FAM184B: variants seen among roughly 807,000 people sequenced by gnomAD.
The protein encoded by FAM184B is protein FAM184B.
In FAM184B, 111 loss-of-function variants were observed where a neutral mutation model predicts 135.9. The ratio of observed to expected loss-of-function variants is 0.82; its 90% CI spans 0.70 to 0.96. The LOEUF (loss-of-function observed/expected upper bound fraction) is 0.96, where lower values mean the gene tolerates loss of function less well. FAM184B is among the 40% of genes least tolerant of loss of function. The pLI is 0.00. For synonymous variants in FAM184B, 552 were observed against 524.8 expected, an observed-to-expected ratio of 1.05 and a Z score of -0.71; for missense variants, 1,375 against 1,323.9, an observed-to-expected ratio of 1.04 and a Z score of -0.60.
intron 7 of FAM184B, among the ~76,000 whole-genome samples, chr4:17,684,107 G>T (rs1356097800): frequency 3.6e-4 from 14 of 39,152 alleles, no homozygotes; most frequent in Admixed American, 8.5e-4. Flanking sequence ...TTATATTATA[G>T]TATAAAATAA....
Position 17,684,544 on chromosome 4 carries a change from C to T in FAM184B, c.1596+3880G>A, listed in dbSNP as rs559351721. The stretch of plus-strand genomic sequence containing the variant: ...AGATATTTAAGCTGTTACTAAATGT[C>T]CACATTGTTTTCCAGCTATTTGTTT... On this transcript the variant is annotated intron_variant, in intron 7 of 17. Transcript: ENST00000265018. 1.1e-3 allele frequency among the ~76,000 whole-genome samples: 164 copies of T among 152,290 alleles called. 1 individual carries two copies. Among genetic ancestry groups the T allele is most frequent in the Middle Eastern group, 0.01 (3 of 294 alleles).
At chr4:17,634,926 C>T in intron 16 of FAM184B, 83 bp downstream of exon 16, 1 of 882,600 alleles carries the variant, frequency 1.1e-6, no homozygotes, top group Non-Finnish European at 1.7e-6. Context: ...GTACACCAGC[C>T]CTTAAATAAC....
intron 5 of FAM184B, among the ~76,000 whole-genome samples, chr4:17,693,921 G>A (rs917040518): frequency 8.6e-5 from 13 of 151,844 alleles, no homozygotes; most frequent in Non-Finnish European, 1.5e-4. Context: ...AGACCAGCCC[G>A]AGCAACATAG....
At chr4:17,641,122 C>T (rs1249669437) in intron 13 of FAM184B, among the ~76,000 whole-genome samples, 2 of 151,996 alleles carry the variant, frequency 1.3e-5, no homozygotes, top group Non-Finnish European at 2.9e-5. Flanking sequence ...TTAGTAGAGA[C>T]GGGGTTTCAC....
intron 12 of FAM184B, among the ~76,000 whole-genome samples, chr4:17,644,475 C>T (rs139033854): frequency 0.077 from 11,738 of 152,088 alleles, 1,169 homozygotes; most frequent in African/African-American, 0.23. Flanking sequence ...ACAGAACCAA[C>T]GACAAAAACC....
In FAM184B at chr4:17,661,719, G is replaced by A. The variant is rs149857297; in HGVS notation, c.1695-1632C>T. ...ATACCTGGGTCTGAACTCTGGGTAT[G>A]AAACCAGCCCAAGGGTTAGGAGGCC... On this transcript the variant is annotated intron_variant, in intron 8 of 17. Coordinates refer to ENST00000265018, the MANE Select transcript of FAM184B (RefSeq NM_015688.2). 1.2e-3 allele frequency among the ~76,000 whole-genome samples: 190 copies of A among 152,352 alleles called. 2 individuals are homozygous for A. Among genetic ancestry groups the A allele is most frequent in the African/African-American group, 4.2e-3 (175 of 41,584 alleles).
At position 17,688,433 on chromosome 4, in the gene FAM184B, C is replaced by T; in HGVS notation, c.1587G>A (p.Leu529=). 1.9e-6 allele frequency: 3 copies of T among 1,548,286 alleles called. No homozygotes were observed. Among genetic ancestry groups the T allele is most frequent in the Non-Finnish European group, 2.6e-6 (3 of 1,146,016 alleles). Residue 529 remains leucine, a synonymous_variant, in exon 7 of 18, where the codon CTG becomes CTA. Transcript: ENST00000265018. The part of the protein sequence containing the change: ...QELGRQHCSI[L]ETQDPCLKLD... ...CAAAGCTGGAGGTTACCTGGGTCTCCAGAATGCTGCAGTGCTGGCGGCCTA... is the reference window on the plus strand; with the variant it reads ...CAAAGCTGGAGGTTACCTGGGTCTCTAGAATGCTGCAGTGCTGGCGGCCTA...
intron 1 of FAM184B, among the ~76,000 whole-genome samples, chr4:17,750,891 G>T (rs1439041077): frequency 6.6e-6 from 1 of 152,070 alleles, no homozygotes; most frequent in African/African-American, 2.4e-5. Context: ...AAGCTGGCTT[G>T]GTAGCCTTAT....
intron 12 of FAM184B, among the ~76,000 whole-genome samples, chr4:17,645,544 A>C (rs1469384520): frequency 6.6e-6 from 1 of 152,068 alleles, no homozygotes; most frequent in Non-Finnish European, 1.5e-5. Flanking sequence ...CTGAAACTGG[A>C]TCCCTTCCTT....
chr4:17,699,033 C>T (rs1281185590), intron 5 of FAM184B, among the ~76,000 whole-genome samples: 1 of 151,794 alleles, frequency 6.6e-6, no homozygotes, highest in Non-Finnish European at 1.5e-5. Context: ...TAAAGGAAAA[C>T]ATGAAAATAA....
At chr4:17,721,020 C>A (rs1437303578) in intron 1 of FAM184B, among the ~76,000 whole-genome samples, 1 of 151,964 alleles carries the variant, frequency 6.6e-6, no homozygotes, top group Non-Finnish European at 1.5e-5. Context: ...AAAAGTTCGT[C>A]TGCAGAGTTC....
chr4:17,724,059 C>A (rs907227531), intron 1 of FAM184B, among the ~76,000 whole-genome samples: 2 of 151,904 alleles, frequency 1.3e-5, no homozygotes, highest in South Asian at 4.1e-4. Context: ...ACCACTTGTA[C>A]CCCTGAAGCT....
At chr4:17,642,280 G>A in intron 12 of FAM184B, 52 bp from the exon 13 acceptor site, 1 of 1,422,246 alleles carries the variant, frequency 7.0e-7, no homozygotes, top group Non-Finnish European at 9.1e-7. Context: ...GGGCAGACAA[G>A]GCAGAAAGGG....
intron 1 of FAM184B, among the ~76,000 whole-genome samples, chr4:17,759,218 G>A (rs1313367375): frequency 1.3e-5 from 2 of 152,120 alleles, no homozygotes; most frequent in Non-Finnish European, 2.9e-5. Flanking sequence ...ATTGCATGTC[G>A]AATTGTAATC....
chr4:17,775,354 T>G (rs1310559994), intron 1 of FAM184B, among the ~76,000 whole-genome samples: 2 of 151,912 alleles, frequency 1.3e-5, no homozygotes, highest in African/African-American at 4.8e-5. Context: ...CCCAGCTAAT[T>G]TTTTGTATTT....
At chr4:17,770,280 C>A (rs1249222364) in intron 1 of FAM184B, among the ~76,000 whole-genome samples, 5 of 152,132 alleles carry the variant, frequency 3.3e-5, no homozygotes, top group Non-Finnish European at 7.3e-5. Context: ...TGTGAGTGGG[C>A]AAGAGTGGGC....
intron 1 of FAM184B, among the ~76,000 whole-genome samples, chr4:17,743,097 G>A (rs1321395734): frequency 1.3e-5 from 2 of 152,210 alleles, no homozygotes; most frequent in African/African-American, 4.8e-5. Flanking sequence ...CCAGCAGCTG[G>A]CTGAGTGAAA....
rs368034063 is a variant in FAM184B, at chr4:17,665,563, G to C, written c.1597-904C>G. Among the ~76,000 whole-genome samples the C allele has an allele frequency of 3.9e-5, 6 of 152,250 alleles. 1 individual carries two copies. The South Asian group carries it at 1.2e-3, about 32-fold the overall frequency. On this transcript the variant is annotated intron_variant, in intron 7 of 17. Transcript: ENST00000265018. ...TTTTTGGACCTGAGTTTCATCAACT[G>C]TGAAACAAAGGGGCTGGCTTATATC...
chr4:17,732,435 G>T (rs553874561), intron 1 of FAM184B, among the ~76,000 whole-genome samples: 1 of 152,020 alleles, frequency 6.6e-6, no homozygotes, highest in Non-Finnish European at 1.5e-5. Context: ...TCGATAGACC[G>T]CTAGCAAGAC....
Sources: allele counts gnomAD v4.1 joint callset (sites outside exome capture counted in the v4.1 genomes callset), GRCh38; gene constraint gnomAD v4.1.1; transcripts MANE v1.5; gene names NCBI Gene and HGNC (gene_info 2026-07-23, HGNC 2026-07-21).